ELP2: variants seen among roughly 807,000 people sequenced by gnomAD.
ELP2 encodes elongator acetyltransferase complex subunit 2, also known as elongator complex protein 2.
Under a neutral mutation model 119.2 loss-of-function variants are expected in ELP2, and 90 were observed. That is an observed-to-expected ratio of 0.75 (90% confidence interval 0.64 to 0.90). ELP2 has a LOEUF of 0.90. Among genes scored for constraint, ELP2 ranks in the 40% least tolerant of loss-of-function variants. The probability of loss-of-function intolerance (pLI) is 0.00; values close to 1 mark genes in which losing one functional copy is unlikely to be tolerated. For missense variants in ELP2, 921 were observed against 967.8 expected (o/e 0.95, Z 0.64); for synonymous variants, 339 against 331.0 (o/e 1.02, Z -0.26).
intron 18 of ELP2, among the ~76,000 whole-genome samples, chr18:36,166,284 C>T (rs2144785020): frequency 6.7e-6 from 1 of 150,152 alleles, no homozygotes; most frequent in African/African-American, 2.5e-5. Context: ...CTTATTCCCT[C>T]CTCATAAACA....
At chr18:36,130,629 C>T (rs1035752481) in intron 1 of ELP2, among the ~76,000 whole-genome samples, 10 of 152,132 alleles carry the variant, frequency 6.6e-5, no homozygotes, top group Non-Finnish European at 1.5e-4. Context: ...GGACTTCCCT[C>T]GACTTCACCC....
chr18:36,136,253 A>T (rs1400509625), intron 2 of ELP2, 54 bp from the exon 3 acceptor site: 22 of 1,414,522 alleles, frequency 1.6e-5, no homozygotes, highest in Non-Finnish European at 2.1e-5. Context: ...GGAAATTTTT[A>T]AAAATTGCAG....
At chr18:36,141,116 G>T in intron 5 of ELP2, 21 bp from the exon 6 acceptor site, 1 of 1,605,924 alleles carries the variant, frequency 6.2e-7, no homozygotes, top group Non-Finnish European at 8.5e-7. Flanking sequence ...TCACAGTGAA[G>T]CCTGTTTTTT....
intron 5 of ELP2, 96 bp from the exon 6 acceptor site, chr18:36,141,041 G>A (rs2090006053): frequency 2.0e-6 from 2 of 991,584 alleles, no homozygotes; most frequent in South Asian, 1.3e-5. Context: ...TTGAAGTCAG[G>A]ATTCTTTACT....
At chr18:36,165,997 C>T (rs1786347966) in intron 18 of ELP2, among the ~76,000 whole-genome samples, 2 of 151,880 alleles carry the variant, frequency 1.3e-5, no homozygotes, top group African/African-American at 4.8e-5. Flanking sequence ...TGAGACCAGC[C>T]TGGCCAATAT....
rs1349629710 is a variant in ELP2, at chr18:36,179,630, A to C, written c.*4989A>C. ...CTCTTGCAGGGGCTCTCCTGCAGCA[A>C]GGTGCCTGCTGACTGTCCCCAGACT... On this transcript the variant is annotated 3_prime_UTR_variant, in exon 22 of 22. Coordinates refer to ENST00000358232, the MANE Select transcript of ELP2 (RefSeq NM_018255.4). 2 of 152,266 alleles carry C rather than the reference A, an allele frequency of 1.3e-5. No individual in the cohort carries two copies. The highest frequency in any genetic ancestry group is 3.8e-4 in the East Asian group (2 of 5,198). The allele number at this position is 152,266 out of a possible 1,614,324, so 9.4% of individuals were successfully genotyped here. A position where few individuals can be genotyped will look rare whatever the true frequency, so the allele number is the denominator to read the frequency against.
chr18:36,172,927 A>T (rs559289), intron 21 of ELP2, among the ~76,000 whole-genome samples: 3 of 152,098 alleles, frequency 2.0e-5, no homozygotes, highest in Admixed American at 6.6e-5. Flanking sequence ...TCAGTTACCA[A>T]GTTCCAAGTA....
intron 7 of ELP2, among the ~76,000 whole-genome samples, chr18:36,142,614 T>C (rs1477479569): frequency 6.6e-6 from 1 of 152,194 alleles, no homozygotes; most frequent in Admixed American, 6.5e-5. Flanking sequence ...GTAGACTATA[T>C]ACTACATGTT....
intron 15 of ELP2, 44 bp downstream of exon 15, chr18:36,159,874 A>C (rs2090680741): frequency 6.2e-7 from 1 of 1,604,892 alleles, no homozygotes; most frequent in Non-Finnish European, 8.5e-7. Flanking sequence ...TAGAACACAC[A>C]GTATGTTATC....
chr18:36,138,686 C>CTCTCA, intron 4 of ELP2, 109 bp from the exon 5 acceptor site: 3 of 1,003,956 alleles, frequency 3.0e-6, no homozygotes, highest in Non-Finnish European at 4.8e-6. Context: ...GGATTGACTT[C>CTCTCA]TCTCATCTCC....
intron 12 of ELP2, among the ~76,000 whole-genome samples, chr18:36,155,916 A>G (rs2090558526): frequency 6.6e-6 from 1 of 152,214 alleles, no homozygotes; most frequent in Non-Finnish European, 1.5e-5. Context: ...TGTAAAAGAT[A>G]GATCCTGTTT....
intron 1 of ELP2, 85 bp downstream of exon 1, chr18:36,130,156 C>T (rs1249012233): frequency 2.5e-6 from 4 of 1,579,430 alleles, no homozygotes; most frequent in Non-Finnish European, 3.5e-6. Context: ...TAGTTGCCGC[C>T]CCAGACCTAG....
Position 36,146,294 on chromosome 18 carries a change from T to C in ELP2, c.1038T>C (p.Asp346=). The C allele has an allele frequency of 3.1e-6, 5 of 1,614,150 alleles. No homozygotes were observed. Among genetic ancestry groups the C allele is most frequent in the Non-Finnish European group, 4.2e-6 (5 of 1,179,984 alleles). ...GTGGGAATACTTTGGGATTTTATGA[T>C]TGCCAGTTCAATGAAGATGGCTCCA... is the stretch of plus-strand genomic sequence containing the variant. ...EVGGNTLGFY[D]CQFNEDGSMI... The change falls in exon 11 of 22, where the codon GAT becomes GAC. Residue 346 remains aspartate (D), a synonymous_variant. Transcript: ENST00000358232.
rs939632091 is a variant in ELP2, at chr18:36,148,451, A to C, written c.1125+2070A>C. 2.0e-5 allele frequency among the ~76,000 whole-genome samples: 3 copies of C among 152,262 alleles called. No individual in the cohort carries two copies. In the East Asian group the frequency reaches 5.8e-4, roughly 29 times the overall value. ...TGAAGCCTAATATACCCAATTTTGT[A>C]GGTGAAGACTGTAACAAGGGCTATG... On this transcript the variant is annotated intron_variant, in intron 11 of 21. Transcript: ENST00000358232.
intron 11 of ELP2, among the ~76,000 whole-genome samples, chr18:36,149,491 T>TTTG (rs2090325965): frequency 4.8e-5 from 7 of 146,806 alleles, no homozygotes; most frequent in Non-Finnish European, 9.0e-5. Context: ...TTGTTTTGTT[T>TTTG]TTTTTTTTTT....
At position 36,174,498 on chromosome 18, in the gene ELP2, C is replaced by T. The variant is rs892826890; in HGVS notation, c.2338C>T (p.Leu780=). The change falls in exon 22 of 22, where the codon CTG becomes TTG. Residue 780 remains leucine (L), a synonymous_variant. Transcript: ENST00000358232. Reference sequence around the variant, plus strand: ...TCTTTGTTTTAGCCAAAGTCATACACTGGCTATCAGAAAATTATGCTGGAA... The same window carrying T: ...TCTTTGTTTTAGCCAAAGTCATACATTGGCTATCAGAAAATTATGCTGGAA... The part of the protein sequence containing the change: ...VETSQSQSHT[L]AIRKLCWKNC... 2 of 1,613,866 alleles carry T rather than the reference C, an allele frequency of 1.2e-6. No homozygotes were observed. Among genetic ancestry groups the T allele is most frequent in the African/African-American group, 2.7e-5 (2 of 74,904 alleles).
At chr18:36,135,977 A>G (rs1268124216) in intron 2 of ELP2, among the ~76,000 whole-genome samples, 1 of 152,236 alleles carries the variant, frequency 6.6e-6, no homozygotes, top group Non-Finnish European at 1.5e-5. Context: ...TGTATATTAT[A>G]TAATAATACT....
chr18:36,167,207 G>A lies in ELP2; in HGVS notation c.2061G>A (p.Gly687=), dbSNP rs778545914. The A allele has an allele frequency of 6.3e-7, 1 of 1,590,572 alleles. No individual in the cohort carries two copies. Among genetic ancestry groups the A allele is most frequent in the Non-Finnish European group, 8.6e-7 (1 of 1,166,950 alleles). The stretch of plus-strand genomic sequence containing the variant: ...CTGACAGCAAGTATTTCTTCACTGG[G>A]AGTCGAGACAAAAAGGTAATTATTT... The part of the protein sequence containing the change: ...WSPDSKYFFT[G]SRDKKVVVWG... Residue 687 remains glycine, a synonymous_variant, in exon 19 of 22, where the codon GGG becomes GGA. Transcript: ENST00000358232.
chr18:36,155,116 G>A (rs1280252499), intron 12 of ELP2, 117 bp downstream of exon 12: 74 of 817,386 alleles, frequency 9.1e-5, no homozygotes, highest in Non-Finnish European at 6.7e-5. Flanking sequence ...AGGTTCAAGC[G>A]ATTCTCCTGT....
Sources: allele counts gnomAD v4.1 joint callset (sites outside exome capture counted in the v4.1 genomes callset), GRCh38; gene constraint gnomAD v4.1.1; transcripts MANE v1.5; gene names NCBI Gene and HGNC (gene_info 2026-07-23, HGNC 2026-07-21).